Variants in EFCAB5 observed in about 807,000 individuals in gnomAD.
EFCAB5 encodes the protein EF-hand calcium-binding domain-containing protein 5.
In EFCAB5, 131 loss-of-function variants were observed where a neutral mutation model predicts 167.9. The observed-to-expected ratio is 0.78, with a 90% CI of 0.68 to 0.90. The LOEUF is 0.90. EFCAB5 is among the 40% of genes least tolerant of loss of function. EFCAB5 has a pLI of 0.00. For missense variants in EFCAB5, 1,663 were observed against 1,745.2 expected (o/e 0.95, Z 0.84); for synonymous variants, 574 against 602.8 (o/e 0.95, Z 0.70).
chr17:30,069,600 T>G, intron 14 of EFCAB5: 1 of 1,613,086 alleles, frequency 6.2e-7, no homozygotes, highest in Non-Finnish European at 8.5e-7. Context: ...ATGTGCTCCT[T>G]CTCCTTGCTC....
chr17:29,999,474 A>G (rs1232202145), intron 6 of EFCAB5, among the ~76,000 whole-genome samples: 1 of 152,112 alleles, frequency 6.6e-6, no homozygotes, highest in Non-Finnish European at 1.5e-5. Context: ...TTTTTGTATT[A>G]TTTGAATTTG....
At chr17:29,987,443 A>G (rs749666683) in intron 4 of EFCAB5, among the ~76,000 whole-genome samples, 25 of 152,132 alleles carry the variant, frequency 1.6e-4, no homozygotes, top group Non-Finnish European at 3.5e-4. Flanking sequence ...TATTTTACCT[A>G]TTTCCCAACT....
intron 12 of EFCAB5, among the ~76,000 whole-genome samples, chr17:30,057,206 T>A (rs1317107964): frequency 1.3e-5 from 2 of 152,188 alleles, no homozygotes; most frequent in African/African-American, 4.8e-5. Context: ...CAGGATACTG[T>A]CTGTCTTCCT....
chr17:30,085,668 C>T (rs577266804), intron 18 of EFCAB5, among the ~76,000 whole-genome samples: 4 of 150,676 alleles, frequency 2.7e-5, no homozygotes, highest in African/African-American at 9.8e-5. Context: ...TGCACTGAGC[C>T]GAGATCACGC....
chr17:30,064,231 A>G (rs1457581303), intron 14 of EFCAB5, among the ~76,000 whole-genome samples: 3 of 152,228 alleles, frequency 2.0e-5, no homozygotes, highest in Admixed American at 6.5e-5. Flanking sequence ...AGGAAACTCA[A>G]CAAGACAAGA....
intron 3 of EFCAB5, among the ~76,000 whole-genome samples, chr17:29,953,348 C>T (rs1297451894): frequency 6.6e-6 from 1 of 152,114 alleles, no homozygotes; most frequent in Non-Finnish European, 1.5e-5. Context: ...GTGTCCCCAC[C>T]CAAATATTGA....
intron 8 of EFCAB5, among the ~76,000 whole-genome samples, chr17:30,043,867 A>T (rs1406447868): frequency 2.0e-5 from 3 of 152,244 alleles, no homozygotes; most frequent in Non-Finnish European, 4.4e-5. Context: ...ACAGAAATTG[A>T]CAAACTATTC....
Position 30,090,433 on chromosome 17 carries a change from T to C in EFCAB5, c.3696T>C (p.Phe1232=). ...GTTTTGATTTCAGAGATTTCCTCTT[T>C]AAATGTACTGACAGTTCAGAAGTTG... ...RKSCIFRDFL[F]KCTDSSEVVL... The change falls in exon 20 of 23, where the codon TTT becomes TTC. Residue 1232 remains phenylalanine (F), a synonymous_variant. Coordinates refer to ENST00000394835, the MANE Select transcript of EFCAB5 (RefSeq NM_198529.4). The C allele has an allele frequency of 5.6e-6, 9 of 1,612,388 alleles. No individual in the cohort carries two copies. Among genetic ancestry groups the C allele is most frequent in the Non-Finnish European group, 8.5e-7 (1 of 1,179,382 alleles).
At position 30,078,449 on chromosome 17, in the gene EFCAB5, C is replaced by T. The variant is rs2070914201; in HGVS notation, c.2972C>T (p.Thr991Ile). 6.2e-7 allele frequency: 1 copy of T among 1,613,652 alleles called. No homozygotes were observed. The highest frequency in any genetic ancestry group is 2.2e-5 in the East Asian group (1 of 44,888). ...WLHQIQCAAE[T>I]SGVSLEPVYS... ...CACCAAATCCAATGTGCTGCAGAGA[C>T]AAGTGGGGTGTCCCTAGAGCCGGTG... The change falls in exon 15 of 23, where the codon ACA becomes ATA. Residue 991 changes from threonine to isoleucine, a missense_variant. Transcript: ENST00000394835.
At chr17:30,105,249 A>C (rs2071433299) in intron 22 of EFCAB5, among the ~76,000 whole-genome samples, 1 of 152,000 alleles carries the variant, frequency 6.6e-6, no homozygotes, top group African/African-American at 2.4e-5. Flanking sequence ...TAATCCCAGC[A>C]CCTTGGGAGG....
At chr17:30,004,787 ATTTTTTTTTT>A (rs60231360) in intron 7 of EFCAB5, among the ~76,000 whole-genome samples, 1 of 115,138 alleles carries the variant, frequency 8.7e-6, no homozygotes. Flanking sequence ...CTCCTGGCTA[ATTTTTTTTTT>A]TTTTTTTTTT....
intron 8 of EFCAB5, among the ~76,000 whole-genome samples, chr17:30,049,646 G>A (rs1329716094): frequency 1.3e-5 from 2 of 152,010 alleles, no homozygotes; most frequent in Non-Finnish European, 2.9e-5. Flanking sequence ...AGTAATCAGG[G>A]AAATGCAAAT....
At chr17:30,003,074 CT>C (rs1389946379) in intron 7 of EFCAB5, among the ~76,000 whole-genome samples, 3 of 123,886 alleles carry the variant, frequency 2.4e-5, no homozygotes, top group African/African-American at 6.0e-5. Context: ...TCTGTTATTT[CT>C]TTTTTCCTCT....
At chr17:30,063,970 C>T (rs552419663) in intron 14 of EFCAB5, among the ~76,000 whole-genome samples, 20 of 152,282 alleles carry the variant, frequency 1.3e-4, no homozygotes, top group Non-Finnish European at 2.1e-4. Context: ...GAAACAATGT[C>T]GCCATGTCCA....
rs997007372 is a variant in EFCAB5 at position 30,028,849 on chromosome 17, A to C, written c.1045-5381A>C. Among the ~76,000 whole-genome samples the C allele has an allele frequency of 2.6e-5, 4 of 152,304 alleles. No individual in the cohort carries two copies. In the South Asian group the frequency reaches 8.3e-4, roughly 32 times the overall value. ...TCTTCATAGTCTGTACACTCTGTAC[A>C]TGTCTTTAAGTCCAAATTTCCTCTT... On this transcript the variant is annotated intron_variant, in intron 7 of 22. Coordinates refer to ENST00000394835, the MANE Select transcript of EFCAB5 (RefSeq NM_198529.4).
chr17:30,029,870 A>T (rs996648338), intron 7 of EFCAB5, among the ~76,000 whole-genome samples: 13 of 152,208 alleles, frequency 8.5e-5, no homozygotes, highest in African/African-American at 3.1e-4. Context: ...AGAGCTATAG[A>T]ATCTTATAAT....
At chr17:30,020,590 G>A (rs2069154624) in intron 7 of EFCAB5, among the ~76,000 whole-genome samples, 1 of 151,916 alleles carries the variant, frequency 6.6e-6, no homozygotes, top group East Asian at 1.9e-4. Flanking sequence ...CCTGACCTCA[G>A]GTGACCCACC....
At chr17:30,007,471 AT>A (rs893814441) in intron 7 of EFCAB5, among the ~76,000 whole-genome samples, 5 of 152,186 alleles carry the variant, frequency 3.3e-5, no homozygotes, top group African/African-American at 1.2e-4. Flanking sequence ...ACTGGAGTAA[AT>A]TTTTAAAAAT....
intron 3 of EFCAB5, among the ~76,000 whole-genome samples, chr17:29,954,878 C>T (rs1233194318): frequency 2.0e-5 from 3 of 152,244 alleles, no homozygotes; most frequent in Non-Finnish European, 2.9e-5. Flanking sequence ...CCACCTCTTA[C>T]ATCAGTGTGA....
Sources: gnomAD v4.1 joint callset for allele counts (sites outside exome capture counted in the v4.1 genomes callset) on GRCh38, gnomAD v4.1.1 for gene constraint, MANE v1.5 for transcripts, NCBI Gene and HGNC (gene_info 2026-07-23, HGNC 2026-07-21) for gene names.